The following SEPTIN11 variants were observed in gnomAD, a reference collection of about 807,000 sequenced individuals.
SEPTIN11 encodes septin-11.
In SEPTIN11, 25 loss-of-function variants were observed where a neutral mutation model predicts 51.4. The observed-to-expected ratio is 0.49, with a 90% CI of 0.35 to 0.68. The LOEUF (loss-of-function observed/expected upper bound fraction) is 0.68. SEPTIN11 is among the 30% of genes least tolerant of loss of function. The pLI is 0.00. For missense variants in SEPTIN11, 381 were observed against 520.8 expected, an observed-to-expected ratio of 0.73 and a Z score of 2.61; for synonymous variants, 174 against 184.1, an observed-to-expected ratio of 0.95 and a Z score of 0.44.
intron 1 of SEPTIN11, among the ~76,000 whole-genome samples, chr4:76,994,464 T>A (rs1170960940): frequency 6.6e-6 from 1 of 152,226 alleles, no homozygotes; most frequent in Non-Finnish European, 1.5e-5. Flanking sequence ...CCCTCGAAGC[T>A]GTTTGGTGAG....
chr4:76,985,956 T>G (rs982715221), intron 1 of SEPTIN11, among the ~76,000 whole-genome samples: 1 of 152,148 alleles, frequency 6.6e-6, no homozygotes, highest in Non-Finnish European at 1.5e-5. Flanking sequence ...GGTAGTAGAC[T>G]GGTTGTAGTT....
chr4:76,957,009 A>ATGTGTGT (rs1721593229), intron 1 of SEPTIN11, among the ~76,000 whole-genome samples: 8 of 47,376 alleles, frequency 1.7e-4, no homozygotes, highest in Non-Finnish European at 3.1e-4. Flanking sequence ...AGAGAGAGAC[A>ATGTGTGT]GAGACAGAGA....
chr4:76,971,068 A>T (rs942088095), intron 1 of SEPTIN11, among the ~76,000 whole-genome samples: 1 of 152,234 alleles, frequency 6.6e-6, no homozygotes, highest in African/African-American at 2.4e-5. Context: ...TATATATGAT[A>T]TCTGTATGTA....
At chr4:76,988,236 G>A (rs1449235611) in intron 1 of SEPTIN11, among the ~76,000 whole-genome samples, 1 of 152,136 alleles carries the variant, frequency 6.6e-6, no homozygotes, top group Non-Finnish European at 1.5e-5. Flanking sequence ...GAGTTATAAG[G>A]CTACACAGCA....
intron 5 of SEPTIN11, among the ~76,000 whole-genome samples, chr4:77,018,463 AG>A (rs1210666035): frequency 1.3e-5 from 2 of 149,326 alleles, no homozygotes; most frequent in Admixed American, 6.7e-5. Context: ...AAAAAAAAAA[AG>A]ATATTTTAAT....
chr4:77,029,671 TC>T (rs1215691396), intron 8 of SEPTIN11, among the ~76,000 whole-genome samples: 1 of 151,984 alleles, frequency 6.6e-6, no homozygotes, highest in Non-Finnish European at 1.5e-5. Flanking sequence ...TCTTTCTTCT[TC>T]CTTTGCTTTT....
At position 77,037,400 on chromosome 4, in the gene SEPTIN11, A is replaced by G. The variant is rs141703115; in HGVS notation, c.*2888A>G. 110 of 985,430 alleles carry G rather than the reference A, an allele frequency of 1.1e-4. No homozygotes were observed. The African/African-American group carries it at 1.6e-3, about 14-fold the overall frequency. The allele number at this position is 985,430 out of a possible 1,614,324, so 61.0% of individuals were successfully genotyped here. A position where few individuals can be genotyped will look rare whatever the true frequency, so the allele number is the denominator to read the frequency against. ...TTATTAATCCCTGCCTGTGCTCTAC[A>G]TAGCCTCATGGGCATCATTGGATAG... On this transcript the variant is annotated 3_prime_UTR_variant, in exon 10 of 10. Transcript: ENST00000264893.
intron 1 of SEPTIN11, among the ~76,000 whole-genome samples, chr4:76,961,513 T>C (rs1721824442): frequency 6.6e-6 from 1 of 152,160 alleles, no homozygotes; most frequent in African/African-American, 2.4e-5. Context: ...CCACATTATA[T>C]TGAAAATATC....
chr4:76,987,743 G>C (rs1350718428), intron 1 of SEPTIN11: 4 of 490,374 alleles, frequency 8.2e-6, no homozygotes, highest in Non-Finnish European at 1.1e-5. Context: ...ATACTGGGAG[G>C]TGGCTGGTGG....
chr4:77,014,340 C>G (rs1354112774), intron 4 of SEPTIN11, among the ~76,000 whole-genome samples: 1 of 152,146 alleles, frequency 6.6e-6, no homozygotes, highest in Non-Finnish European at 1.5e-5. Flanking sequence ...CTGAATACTC[C>G]ACTGCTCTTA....
chr4:77,015,705 TTG>T, intron 5 of SEPTIN11, among the ~76,000 whole-genome samples: 4 of 152,196 alleles, frequency 2.6e-5, no homozygotes, highest in Non-Finnish European at 5.9e-5. Flanking sequence ...GCCACATGCT[TTG>T]CATATAGTGG....
intron 1 of SEPTIN11, among the ~76,000 whole-genome samples, chr4:76,965,432 C>T (rs1478738932): frequency 3.6e-5 from 5 of 138,168 alleles, no homozygotes; most frequent in Non-Finnish European, 7.6e-5. Flanking sequence ...GCCTGGGCAA[C>T]AGAGCCAGAC....
chr4:76,990,522 G>GAGTTCTGCCTCCTTCAGATC (rs1374695889), intron 1 of SEPTIN11, among the ~76,000 whole-genome samples: 1 of 152,188 alleles, frequency 6.6e-6, no homozygotes. Flanking sequence ...ATTACCGCCT[G>GAGTTCTGCCTCCTTCAGATC]AGTTCTGCCT....
At chr4:77,039,180 C>T, downstream of SEPTIN11, 1 of 1,270,438 alleles carries the variant, frequency 7.9e-7, no homozygotes. Flanking sequence ...GGAAGAGTTA[C>T]CTCATTTCCA....
intron 1 of SEPTIN11, among the ~76,000 whole-genome samples, chr4:76,953,325 T>C (rs1334380829): frequency 6.6e-6 from 1 of 152,212 alleles, no homozygotes; most frequent in African/African-American, 2.4e-5. Context: ...AGTGACAGAC[T>C]TCAGTGTAAA....
At chr4:77,023,298 ACAC>A (rs1437321884) in intron 7 of SEPTIN11, among the ~76,000 whole-genome samples, 1 of 139,834 alleles carries the variant, frequency 7.2e-6, no homozygotes, top group African/African-American at 2.7e-5. Flanking sequence ...ACACACACAC[ACAC>A]AATATATATA....
intron 3 of SEPTIN11, chr4:77,009,706 T>C (rs1724727395): frequency 6.6e-6 from 1 of 152,210 alleles, no homozygotes; most frequent in Non-Finnish European, 1.5e-5. Context: ...GAACCATATT[T>C]GGACTACTAT....
Position 77,037,656 on chromosome 4 carries a change from G to C in SEPTIN11, c.*3144G>C. On this transcript the variant is annotated 3_prime_UTR_variant, in exon 10 of 10. Coordinates refer to ENST00000264893, the MANE Select transcript of SEPTIN11 (RefSeq NM_018243.4). ...TAGCTGGCCTTACCCCATATCTTTT[G>C]TTCAAACATAATACCATCTTTTTGC... 2.0e-6 allele frequency: 2 copies of C among 985,684 alleles called. No homozygotes were observed. The highest frequency in any genetic ancestry group is 1.2e-6 in the Non-Finnish European group (1 of 829,940). 61.1% of individuals were successfully genotyped at this position (985,684 alleles called of 1,614,324 possible). A position where few individuals can be genotyped will look rare whatever the true frequency, so the allele number is the denominator to read the frequency against.
chr4:77,020,731 C>T, intron 7 of SEPTIN11, 61 bp downstream of exon 7: 1 of 1,497,126 alleles, frequency 6.7e-7, no homozygotes, highest in African/African-American at 1.4e-5. Context: ...CATGGTGGTA[C>T]ATCACAGAAA....
Sources: allele counts gnomAD v4.1 joint callset (sites outside exome capture counted in the v4.1 genomes callset), GRCh38; gene constraint gnomAD v4.1.1; transcripts MANE v1.5; gene names NCBI Gene and HGNC (gene_info 2026-07-23, HGNC 2026-07-21).